Variants in IGSF3 observed in about 807,000 individuals in gnomAD.
IGSF3 encodes the protein immunoglobulin superfamily member 3, also known as glu-Trp-Ile EWI motif-containing protein 3.
A neutral mutation model predicts 114.4 loss-of-function variants in IGSF3; 23 were observed. That is an observed-to-expected ratio of 0.20 (90% CI 0.14 to 0.28). IGSF3 has a LOEUF of 0.28. Ranked by LOEUF, IGSF3 falls within the 10% of genes least tolerant of loss-of-function variation. IGSF3 has a pLI of 1.00. For synonymous variants in IGSF3, 571 were observed against 645.2 expected, an observed-to-expected ratio of 0.88 and a Z score of 1.74; for missense variants, 1,172 against 1,591.5, an observed-to-expected ratio of 0.74 and a Z score of 4.48.
At position 116,592,898 on chromosome 1, in the gene IGSF3, A is replaced by G. The variant is rs1660178898; in HGVS notation, c.2030-3794T>C. 1.3e-5 allele frequency among the ~76,000 whole-genome samples: 2 copies of G among 152,202 alleles called. No individual in the cohort carries two copies. The highest frequency in any genetic ancestry group is 1.3e-4 in the Admixed American group (2 of 15,286). On this transcript the variant is annotated intron_variant, in intron 7 of 10. Transcript: ENST00000369486. The surrounding 1 kb of genome is among the most constrained non-coding windows in gnomAD (Gnocchi z 4.5). ...GGGGCAATTCTGATTTTGATAGAAA[A>G]GAGAACATTTCAAAAGGTATATGGC...
At position 116,628,377 on chromosome 1, in the gene IGSF3, A is replaced by C. The variant is rs1647400375; in HGVS notation, c.44-11920T>G. On this transcript the variant is annotated intron_variant, in intron 2 of 10. Transcript: ENST00000369486. The surrounding 1 kb of genome is among the most constrained non-coding windows in gnomAD (Gnocchi z 4.2). Reference sequence around the variant, plus strand: ...GGTTCTCAGCGCAAATTCCCCAGAAAGCAATCTGACTGGCTGGGAGACTTT... The same window carrying C: ...GGTTCTCAGCGCAAATTCCCCAGAACGCAATCTGACTGGCTGGGAGACTTT... Among the ~76,000 whole-genome samples the C allele has an allele frequency of 6.6e-6, 1 of 152,190 alleles. No homozygotes were observed. The highest frequency in any genetic ancestry group is 2.4e-5 in the African/African-American group (1 of 41,452).
chr1:116,623,851 C>T (rs1321232109), intron 2 of IGSF3, among the ~76,000 whole-genome samples: 1 of 151,056 alleles, frequency 6.6e-6, no homozygotes, highest in Non-Finnish European at 1.5e-5. Context: ...TTTGGGAGGG[C>T]GAGGCAGGTG....
At chr1:116,663,259 GCT>G (rs1649186946) in intron 2 of IGSF3, among the ~76,000 whole-genome samples, 1 of 151,984 alleles carries the variant, frequency 6.6e-6, no homozygotes, top group African/African-American at 2.4e-5. Context: ...CAAATCCTAT[GCT>G]CTCTTTCCCA....
intron 2 of IGSF3, among the ~76,000 whole-genome samples, chr1:116,660,971 C>T (rs1287322110): frequency 6.6e-6 from 1 of 152,172 alleles, no homozygotes; most frequent in Non-Finnish European, 1.5e-5. Context: ...AGAAACAACA[C>T]CTACCTTGTG....
chr1:116,588,458 C>A lies in IGSF3; in HGVS notation c.2440+236G>T, dbSNP rs1025160394. Among the ~76,000 whole-genome samples, 2 of 152,170 alleles carry A rather than the reference C, an allele frequency of 1.3e-5. No individual in the cohort carries two copies. Among genetic ancestry groups the A allele is most frequent in the African/African-American group, 4.8e-5 (2 of 41,428 alleles). On this transcript the variant is annotated intron_variant, in intron 8 of 10. Transcript: ENST00000369486. The surrounding 1 kb of genome is among the most constrained non-coding windows in gnomAD (Gnocchi z 4.9). ...CCCTGCTCCTTGGTGAAGATGGTAT[C>A]CACAGAAGCAGAGTCAAGGATGCTT... is the stretch of plus-strand genomic sequence containing the variant.
chr1:116,577,690 C>T lies in IGSF3; in HGVS notation c.3335-128G>A, dbSNP rs1659411704. The stretch of plus-strand genomic sequence containing the variant: ...GACACTCCCACACCACCTTGTCTTT[C>T]CCCTGCTACCATTAATGGTGGAAGA... On this transcript the variant is annotated intron_variant, in intron 10 of 10. Coordinates refer to ENST00000369486, the MANE Select transcript of IGSF3 (RefSeq NM_001007237.3). This position sits in a 1 kb window ranked among gnomAD's most constrained non-coding sequence, Gnocchi z 5.7. 2.6e-6 allele frequency: 2 copies of T among 772,694 alleles called. No individual in the cohort carries two copies. The highest frequency in any genetic ancestry group is 2.5e-5 in the Admixed American group (1 of 40,288). The allele number at this position is 772,694 out of a possible 1,614,324, so 47.9% of individuals were successfully genotyped here. A position where few individuals can be genotyped will look rare whatever the true frequency, so the allele number is the denominator to read the frequency against.
chr1:116,580,011 T>C (rs1659533889), intron 9 of IGSF3, 134 bp from the exon 10 acceptor site: 1 of 820,258 alleles, frequency 1.2e-6, no homozygotes, highest in East Asian at 2.7e-5. Context: ...TGAAAAGGCA[T>C]AGGCAGTGCT....
intron 2 of IGSF3, among the ~76,000 whole-genome samples, chr1:116,643,213 CACACAGCTAGTCCTGGATA>C (rs2101057785): frequency 6.6e-6 from 1 of 152,312 alleles, no homozygotes; most frequent in South Asian, 2.1e-4. Context: ...TGTCTGAGGC[CACACAGCTAGTCCTGGATA>C]AAGTGACTTA....
Position 116,599,965 on chromosome 1 carries a change from G to A in IGSF3, c.2005C>T (p.Leu669=). Residue 669 remains leucine, a synonymous_variant, in exon 7 of 11, where the codon CTG becomes TTG. Transcript: ENST00000369486. ...CCTGGCTGCAGCACCCTGATCTCCA[G>A]CAGGTTGGAGGTCCTCTCCGCCAGT... ...TRLAERTSNL[L]EIRVLQPVTK... The A allele has an allele frequency of 6.2e-7, 1 of 1,612,884 alleles. No individual in the cohort carries two copies. Among genetic ancestry groups the A allele is most frequent in the Non-Finnish European group, 8.5e-7 (1 of 1,179,140 alleles).
At chr1:116,645,029 A>G (rs1648297604) in intron 2 of IGSF3, among the ~76,000 whole-genome samples, 3 of 152,186 alleles carry the variant, frequency 2.0e-5, no homozygotes, top group Non-Finnish European at 4.4e-5. Flanking sequence ...CAAGAGAAAT[A>G]AAACCTGTGT....
Position 116,614,275 on chromosome 1 carries a change from C to A in IGSF3, c.422-100G>T, listed in dbSNP as rs1437796825. ...TCCACGCAGGCGTCACTGCACTGCG[C>A]CCCTAACAGTCATCCTTGAACCATC... On this transcript the variant is annotated intron_variant, in intron 3 of 10. Coordinates refer to ENST00000369486, the MANE Select transcript of IGSF3 (RefSeq NM_001007237.3). The surrounding 1 kb of genome is among the most constrained non-coding windows in gnomAD (Gnocchi z 4.5). 5.5e-6 allele frequency: 5 copies of A among 914,136 alleles called. No individual in the cohort carries two copies. In the East Asian group the frequency reaches 1.2e-4, roughly 23 times the overall value. 56.6% of individuals were successfully genotyped at this position (914,136 alleles called of 1,614,324 possible).
In IGSF3 at chr1:116,608,064, C is replaced by T. The variant is rs202203327; in HGVS notation, c.1100G>A (p.Arg367His). ...GTTGTATTTCCCGCTATCTTCCTGG[C>T]GGAGGTGGTAGATCTTCAGCACAAA... ...SVFVLKIYHL[R>H]QEDSGKYNCR... Residue 367 changes from arginine to histidine, a missense_variant, in exon 5 of 11, where the codon CGC becomes CAC. Coordinates refer to ENST00000369486, the MANE Select transcript of IGSF3 (RefSeq NM_001007237.3). The T allele has an allele frequency of 9.9e-6, 16 of 1,613,790 alleles. No individual in the cohort carries two copies. Among genetic ancestry groups the T allele is most frequent in the Non-Finnish European group, 1.2e-5 (14 of 1,179,840 alleles).
chr1:116,582,182 A>C lies in IGSF3; in HGVS notation c.2849-2305T>G, dbSNP rs59280159. Reference sequence around the variant, plus strand: ...ACCTTCCCACAATCTCTCTCCCCTTAACATGTTTCTCTACCAATTTAGTTC... The same window carrying C: ...ACCTTCCCACAATCTCTCTCCCCTTCACATGTTTCTCTACCAATTTAGTTC... On this transcript the variant is annotated intron_variant, in intron 9 of 10. Transcript: ENST00000369486. The surrounding 1 kb of genome is among the most constrained non-coding windows in gnomAD (Gnocchi z 4.7). Among the ~76,000 whole-genome samples, 1,292 of 152,256 alleles carry C rather than the reference A, an allele frequency of 8.5e-3. 18 individuals are homozygous for C. Among genetic ancestry groups the C allele is most frequent in the African/African-American group, 0.024 (993 of 41,556 alleles).
rs3879753 is a variant in IGSF3, at chr1:116,605,885, C to T, written c.1223-1860G>A. 2.0e-5 allele frequency among the ~76,000 whole-genome samples: 3 copies of T among 152,284 alleles called. No individual in the cohort carries two copies. Among genetic ancestry groups the T allele is most frequent in the Middle Eastern group, 3.4e-3 (1 of 294 alleles). ...TACTGTCATCCCAGTGGACGCTTATCCAAGTCCTGGCTCATTTATTGAAAG... is the reference window on the plus strand; with the variant it reads ...TACTGTCATCCCAGTGGACGCTTATTCAAGTCCTGGCTCATTTATTGAAAG... On this transcript the variant is annotated intron_variant, in intron 5 of 10. Coordinates refer to ENST00000369486, the MANE Select transcript of IGSF3 (RefSeq NM_001007237.3). This position sits in a 1 kb window ranked among gnomAD's most constrained non-coding sequence, Gnocchi z 5.1.
chr1:116,592,487 T>C lies in IGSF3; in HGVS notation c.2030-3383A>G, dbSNP rs1571130096. 6.6e-6 allele frequency among the ~76,000 whole-genome samples: 1 copy of C among 152,218 alleles called. No homozygotes were observed. Among genetic ancestry groups the C allele is most frequent in the East Asian group, 1.9e-4 (1 of 5,192 alleles). On this transcript the variant is annotated intron_variant, in intron 7 of 10. Coordinates refer to ENST00000369486, the MANE Select transcript of IGSF3 (RefSeq NM_001007237.3). This position sits in a 1 kb window ranked among gnomAD's most constrained non-coding sequence, Gnocchi z 4.5. ...GAGAGTTTCCTTCCCAGGCTTGTGATTAAAACTTGGAAGATCTGTGTTTTG... is the reference window on the plus strand; with the variant it reads ...GAGAGTTTCCTTCCCAGGCTTGTGACTAAAACTTGGAAGATCTGTGTTTTG...
rs1299383254 is a variant in IGSF3 at position 116,589,452 on chromosome 1, G to A, written c.2030-348C>T. Among the ~76,000 whole-genome samples the A allele has an allele frequency of 1.3e-5, 2 of 152,072 alleles. No individual in the cohort carries two copies. The highest frequency in any genetic ancestry group is 4.8e-5 in the African/African-American group (2 of 41,384). On this transcript the variant is annotated intron_variant, in intron 7 of 10. Transcript: ENST00000369486. This position sits in a 1 kb window ranked among gnomAD's most constrained non-coding sequence, Gnocchi z 5.7. Reference sequence around the variant, plus strand: ...GGCTCTGAACTACCTACGGGCCAGAGAGAAACAATTCCTTTTCACAGCACA... The same window carrying A: ...GGCTCTGAACTACCTACGGGCCAGAAAGAAACAATTCCTTTTCACAGCACA...
intron 2 of IGSF3, among the ~76,000 whole-genome samples, chr1:116,621,697 T>G (rs2101026261): frequency 6.6e-6 from 1 of 152,328 alleles, no homozygotes; most frequent in African/African-American, 2.4e-5. Context: ...GAGTGTGTTC[T>G]TCTGGGAAAA....
rs1441047339 is a variant in IGSF3 at position 116,596,853 on chromosome 1, A to C, written c.2029+3088T>G. Among the ~76,000 whole-genome samples, 1 of 152,204 alleles carries C rather than the reference A, an allele frequency of 6.6e-6. No individual in the cohort carries two copies. Among genetic ancestry groups the C allele is most frequent in the Non-Finnish European group, 1.5e-5 (1 of 68,038 alleles). On this transcript the variant is annotated intron_variant, in intron 7 of 10. Transcript: ENST00000369486. The surrounding 1 kb of genome is among the most constrained non-coding windows in gnomAD (Gnocchi z 4.1). Reference sequence around the variant, plus strand: ...AGTTGGGTAAAACGGTCCCCCTCACAGCACTGCATGGATTAAGAAACGAGG... The same window carrying C: ...AGTTGGGTAAAACGGTCCCCCTCACCGCACTGCATGGATTAAGAAACGAGG...
chr1:116,608,386 A>T lies in IGSF3; in HGVS notation c.833-55T>A, dbSNP rs562200748. ...TCCTGGGTGAATGAGGGCCCCAGCCAACTAAACCACATTAGCACATTCCCA... is the reference window on the plus strand; with the variant it reads ...TCCTGGGTGAATGAGGGCCCCAGCCTACTAAACCACATTAGCACATTCCCA... On this transcript the variant is annotated intron_variant, in intron 4 of 10. Coordinates refer to ENST00000369486, the MANE Select transcript of IGSF3 (RefSeq NM_001007237.3). 5.2e-6 allele frequency: 7 copies of T among 1,346,458 alleles called. No homozygotes were observed. In the East Asian group the frequency reaches 1.6e-4, roughly 31 times the overall value. 83.4% of individuals were successfully genotyped at this position (1,346,458 alleles called of 1,614,324 possible).
Sources: gnomAD v4.1 joint callset for allele counts (sites outside exome capture counted in the v4.1 genomes callset) on GRCh38, gnomAD v4.1.1 for gene constraint, Gnocchi (gnomAD v3.1) non-coding constraint, MANE v1.5 for transcripts, NCBI Gene and HGNC (gene_info 2026-07-23, HGNC 2026-07-21) for gene names.